The following TCF12 variants were observed in gnomAD, a reference collection of about 807,000 sequenced individuals.
TCF12 encodes the protein transcription factor 12.
Under a neutral mutation model 86.0 loss-of-function variants are expected in TCF12, and 45 were observed. The ratio of observed to expected loss-of-function variants is 0.52; its 90% confidence interval spans 0.41 to 0.67. The LOEUF (loss-of-function observed/expected upper bound fraction) is 0.67. TCF12 is among the 30% of genes least tolerant of loss of function. The pLI is 0.00. For missense variants in TCF12, 881 were observed against 859.9 expected, an observed-to-expected ratio of 1.02 and a Z score of -0.31; for synonymous variants, 330 against 299.6, an observed-to-expected ratio of 1.10 and a Z score of -1.05.
At chr15:57,080,093 T>C (rs1356222342) in intron 4 of TCF12, among the ~76,000 whole-genome samples, 8 of 152,212 alleles carry the variant, frequency 5.3e-5, no homozygotes, top group African/African-American at 1.4e-4. Flanking sequence ...AAAACCTGAT[T>C]AGTTACTTCA....
intron 5 of TCF12, among the ~76,000 whole-genome samples, chr15:57,097,747 C>G (rs1192712587): frequency 6.6e-6 from 1 of 152,006 alleles, no homozygotes; most frequent in Non-Finnish European, 1.5e-5. Flanking sequence ...ATTCTCTGAC[C>G]TTTGGCTGTG....
At chr15:56,971,194 T>C (rs2083190315) in intron 3 of TCF12, among the ~76,000 whole-genome samples, 2 of 151,468 alleles carry the variant, frequency 1.3e-5, no homozygotes, top group Non-Finnish European at 2.9e-5. Flanking sequence ...GAGGCCGAGG[T>C]GGGTAGATCA....
intron 5 of TCF12, among the ~76,000 whole-genome samples, chr15:57,106,315 C>T (rs569930760): frequency 5.7e-4 from 41 of 71,972 alleles, no homozygotes; most frequent in African/African-American, 1.6e-3. Flanking sequence ...ACAAAAGTAG[C>T]GTGGTTACGT....
chr15:57,234,974 G>GT (rs1187593265), intron 12 of TCF12, among the ~76,000 whole-genome samples: 1 of 152,176 alleles, frequency 6.6e-6, no homozygotes, highest in Non-Finnish European at 1.5e-5. Flanking sequence ...GGCAGAGCAC[G>GT]TTAATACCTG....
chr15:57,192,053 G>A (rs2057008672), intron 6 of TCF12, 105 bp from the exon 7 acceptor site: 4 of 1,343,432 alleles, frequency 3.0e-6, no homozygotes, highest in African/African-American at 1.5e-5. Context: ...TGCGTTCTAA[G>A]TTAAGACATT....
chr15:57,173,097 A>G (rs2055643733), intron 6 of TCF12, among the ~76,000 whole-genome samples: 1 of 152,200 alleles, frequency 6.6e-6, no homozygotes, highest in Admixed American at 6.5e-5. Context: ...TCAAAAACCA[A>G]TGTCAGTAAG....
chr15:57,136,624 A>G (rs1468590581), intron 5 of TCF12, among the ~76,000 whole-genome samples: 1 of 152,242 alleles, frequency 6.6e-6, no homozygotes, highest in Non-Finnish European at 1.5e-5. Context: ...ATTTTCAGAG[A>G]CATCAAAATA....
rs537931924 is a variant in TCF12 at position 57,262,355 on chromosome 15, G to T, written c.1582+147G>T. 218 of 655,724 alleles carry T rather than the reference G, an allele frequency of 3.3e-4. No individual in the cohort carries two copies. The East Asian group carries it at 5.9e-3, about 18-fold the overall frequency. 40.6% of individuals were successfully genotyped at this position (655,724 alleles called of 1,614,324 possible). A position where few individuals can be genotyped will look rare whatever the true frequency, so the allele number is the denominator to read the frequency against. On this transcript the variant is annotated intron_variant, in intron 17 of 20. Transcript: ENST00000333725. ...AATAGCGTGGAGAGCAGATATTTAG[G>T]GTTCCAACTGGCCCACCTAGGTTGA...
intron 16 of TCF12, among the ~76,000 whole-genome samples, chr15:57,256,011 C>G (rs1451039793): frequency 6.6e-6 from 1 of 152,324 alleles, no homozygotes; most frequent in Non-Finnish European, 1.5e-5. Flanking sequence ...ATCTTCATCT[C>G]ATCCAGACAC....
chr15:56,923,143 A>G (rs1285286721), intron 3 of TCF12, among the ~76,000 whole-genome samples: 1 of 152,060 alleles, frequency 6.6e-6, no homozygotes. Context: ...GACTTATGAA[A>G]ACTAGAGTTT....
intron 3 of TCF12, among the ~76,000 whole-genome samples, chr15:57,041,757 T>TA (rs1162554449): frequency 4.2e-4 from 64 of 151,470 alleles, no homozygotes; most frequent in African/African-American, 1.4e-3. Flanking sequence ...AATTGAGATT[T>TA]AAAAAAAAAT....
intron 5 of TCF12, among the ~76,000 whole-genome samples, chr15:57,093,392 A>G (rs1300160755): frequency 6.6e-6 from 1 of 152,192 alleles, no homozygotes; most frequent in African/African-American, 2.4e-5. Context: ...ATTTTGGATT[A>G]AACTAAGCTT....
chr15:57,128,261 C>T (rs1210638766), intron 5 of TCF12, among the ~76,000 whole-genome samples: 6 of 152,078 alleles, frequency 3.9e-5, no homozygotes, highest in South Asian at 2.1e-4. Flanking sequence ...AATCAGATGA[C>T]GAGAAACAGG....
At chr15:57,186,759 C>G (rs868729385) in intron 6 of TCF12, among the ~76,000 whole-genome samples, 1 of 152,112 alleles carries the variant, frequency 6.6e-6, no homozygotes, top group Non-Finnish European at 1.5e-5. Flanking sequence ...TTATACATCA[C>G]AGCTAAGGGA....
intron 8 of TCF12, among the ~76,000 whole-genome samples, chr15:57,200,122 TCTC>T (rs1188177206): frequency 1.3e-5 from 2 of 150,770 alleles, no homozygotes; most frequent in African/African-American, 4.9e-5. Context: ...GCTCTGTGCT[TCTC>T]CTGCCACAGC....
downstream of TCF12, chr15:57,290,964 C>T (rs1410183371): frequency 6.6e-6 from 1 of 152,140 alleles, no homozygotes; most frequent in Non-Finnish European, 1.5e-5. Flanking sequence ...GCCAATGAGT[C>T]TTCTAAAAAT....
At chr15:57,033,892 T>G (rs1409848684) in intron 3 of TCF12, among the ~76,000 whole-genome samples, 1 of 152,170 alleles carries the variant, frequency 6.6e-6, no homozygotes, top group African/African-American at 2.4e-5. Flanking sequence ...ATGGATATGA[T>G]GAATTGACAT....
intron 8 of TCF12, among the ~76,000 whole-genome samples, chr15:57,213,511 T>C (rs1485849231): frequency 1.3e-5 from 2 of 152,224 alleles, no homozygotes; most frequent in East Asian, 1.9e-4. Flanking sequence ...TAACTTAATG[T>C]ATAAGTTACT....
intron 1 of TCF12, 114 bp downstream of exon 1, chr15:56,919,020 G>T (rs1162586626): frequency 6.6e-6 from 1 of 151,970 alleles, no homozygotes; most frequent in African/African-American, 2.4e-5. Flanking sequence ...TCAACTCCGC[G>T]CCCCTTTGTA....
Sources: allele counts gnomAD v4.1 joint callset (sites outside exome capture counted in the v4.1 genomes callset), GRCh38; gene constraint gnomAD v4.1.1; transcripts MANE v1.5; gene names NCBI Gene and HGNC (gene_info 2026-07-23, HGNC 2026-07-21).